The following KHDRBS2 variants were observed in gnomAD, a reference collection of about 807,000 sequenced individuals.
KHDRBS2 encodes KH RNA binding domain containing, signal transduction associated 2.
KHDRBS2 carries 26 observed loss-of-function variants against 44.3 expected under a neutral mutation model. The observed-to-expected ratio is 0.59, with a 90% CI of 0.43 to 0.81. KHDRBS2 has a LOEUF of 0.81. Ranked by LOEUF, KHDRBS2 falls within the 40% of genes least tolerant of loss-of-function variation. The pLI, the probability that KHDRBS2 is intolerant of heterozygous loss-of-function variation, is 0.00. For synonymous variants in KHDRBS2, 194 were observed against 151.1 expected (o/e 1.28, Z -2.08); for missense variants, 476 against 433.1 (o/e 1.10, Z -0.88).
chr6:62,091,105 T>G (rs1203795606), intron 2 of KHDRBS2, among the ~76,000 whole-genome samples: 1 of 152,120 alleles, frequency 6.6e-6, no homozygotes, highest in Non-Finnish European at 1.5e-5. Flanking sequence ...TCTGGGTGCC[T>G]GATTGGATGA....
intron 2 of KHDRBS2, among the ~76,000 whole-genome samples, chr6:62,059,198 G>GTTTTTTTGTTTTTTTTTT (rs1791042024): frequency 4.0e-5 from 1 of 24,878 alleles, no homozygotes; most frequent in African/African-American, 1.1e-4. Context: ...AAGTTAGGAA[G>GTTTTTTTGTTTTTTTTTT]TTTTTTTTTT....
the KHDRBS2 span, among the ~76,000 whole-genome samples, chr6:61,615,808 T>G: frequency 6.6e-6 from 1 of 152,154 alleles, no homozygotes; most frequent in Non-Finnish European, 1.5e-5. Context: ...CCAAAACACT[T>G]CTAGGCCAAG....
At chr6:62,059,730 G>A (rs571441755) in intron 2 of KHDRBS2, among the ~76,000 whole-genome samples, 21 of 151,712 alleles carry the variant, frequency 1.4e-4, no homozygotes, top group African/African-American at 4.3e-4. Context: ...AAATATATAC[G>A]TTGTAATTTT....
chr6:61,756,249 T>A (rs1330291308), intron 6 of KHDRBS2, among the ~76,000 whole-genome samples: 2 of 151,628 alleles, frequency 1.3e-5, no homozygotes, highest in African/African-American at 4.9e-5. Flanking sequence ...ATTATTAATT[T>A]TATTTAATTA....
chr6:61,619,968 T>C, the KHDRBS2 span, among the ~76,000 whole-genome samples: 2 of 152,214 alleles, frequency 1.3e-5, no homozygotes, highest in Non-Finnish European at 2.9e-5. Flanking sequence ...CTTCAGTCTG[T>C]AATCTTTCAT....
chr6:61,646,928 T>C, the KHDRBS2 span, among the ~76,000 whole-genome samples: 4 of 152,126 alleles, frequency 2.6e-5, no homozygotes, highest in East Asian at 7.7e-4. Flanking sequence ...CAAGTAATTC[T>C]CCCTTCTCAG....
chr6:61,945,115 A>ATATG (rs1554284597), intron 4 of KHDRBS2, among the ~76,000 whole-genome samples: 6,615 of 52,446 alleles, frequency 0.13, 908 homozygotes, highest in East Asian at 0.21. Context: ...AAAAAAAAGT[A>ATATG]TATATATATA....
the KHDRBS2 span, among the ~76,000 whole-genome samples, chr6:61,555,427 G>T: frequency 2.6e-5 from 4 of 152,060 alleles, no homozygotes; most frequent in African/African-American, 9.7e-5. Context: ...GTATTCTTTA[G>T]AATCCATGGA....
chr6:61,731,935 T>C (rs1187454707), intron 7 of KHDRBS2, among the ~76,000 whole-genome samples: 3 of 152,096 alleles, frequency 2.0e-5, no homozygotes, highest in Non-Finnish European at 4.4e-5. Context: ...AAGGTAAAAC[T>C]ATGGTAACAA....
At chr6:61,951,050 C>A (rs999014833) in intron 4 of KHDRBS2, among the ~76,000 whole-genome samples, 3 of 151,982 alleles carry the variant, frequency 2.0e-5, no homozygotes, top group Non-Finnish European at 2.9e-5. Flanking sequence ...CTGCAAATTT[C>A]ATGTTATATC....
At chr6:61,964,674 G>A (rs1488216059) in intron 4 of KHDRBS2, among the ~76,000 whole-genome samples, 1 of 152,070 alleles carries the variant, frequency 6.6e-6, no homozygotes, top group Non-Finnish European at 1.5e-5. Flanking sequence ...GTGATTTACA[G>A]ATACTGAGTT....
intron 6 of KHDRBS2, among the ~76,000 whole-genome samples, chr6:61,840,069 C>T (rs1793367755): frequency 6.6e-6 from 1 of 151,954 alleles, no homozygotes; most frequent in African/African-American, 2.4e-5. Flanking sequence ...ATTACTAGAA[C>T]AAAAATGTTT....
chr6:61,730,557 C>T (rs1413807358), intron 7 of KHDRBS2, among the ~76,000 whole-genome samples: 3 of 151,954 alleles, frequency 2.0e-5, no homozygotes, highest in Admixed American at 1.3e-4. Flanking sequence ...GAAATAAATG[C>T]TATAGAAAAG....
chr6:61,626,969 T>C, the KHDRBS2 span, among the ~76,000 whole-genome samples: 1 of 152,082 alleles, frequency 6.6e-6, no homozygotes, highest in Non-Finnish European at 1.5e-5. Context: ...AGAATTTGGC[T>C]GGGGCCGGGC....
chr6:61,739,405 T>C (rs1003957538), intron 6 of KHDRBS2, among the ~76,000 whole-genome samples: 6 of 151,886 alleles, frequency 4.0e-5, no homozygotes, highest in Non-Finnish European at 8.8e-5. Flanking sequence ...GCAACTTTGC[T>C]CTGAATTAGA....
chr6:62,046,850 A>G (rs142953828), intron 3 of KHDRBS2, among the ~76,000 whole-genome samples: 101 of 152,014 alleles, frequency 6.6e-4, no homozygotes, highest in Non-Finnish European at 1.2e-3. Context: ...AAGGGCTAGT[A>G]AAAATCATTC....
At chr6:61,622,524 A>T in the KHDRBS2 span, among the ~76,000 whole-genome samples, 14 of 152,336 alleles carry the variant, frequency 9.2e-5, no homozygotes, top group Non-Finnish European at 1.3e-4. Context: ...GTAAGTCTGA[A>T]TATGCAAAGA....
the KHDRBS2 span, among the ~76,000 whole-genome samples, chr6:61,631,488 C>T: frequency 6.6e-6 from 1 of 152,036 alleles, no homozygotes; most frequent in Non-Finnish European, 1.5e-5. Flanking sequence ...TCAAATATGT[C>T]TTTGTGAGTG....
intron 7 of KHDRBS2, among the ~76,000 whole-genome samples, chr6:61,709,074 G>A (rs534595530): frequency 6.6e-6 from 1 of 151,722 alleles, no homozygotes; most frequent in South Asian, 2.1e-4. Flanking sequence ...ACCTGTGATA[G>A]GGCTGTTTTA....
Sources: gnomAD v4.1 joint callset for allele counts (sites outside exome capture counted in the v4.1 genomes callset) on GRCh38, gnomAD v4.1.1 for gene constraint, MANE v1.5 for transcripts, NCBI Gene and HGNC (gene_info 2026-07-23, HGNC 2026-07-21) for gene names.